Variants in GRID2 observed in about 807,000 individuals in gnomAD.
GRID2 encodes glutamate receptor ionotropic, delta-2.
In GRID2, 33 loss-of-function variants were observed where a neutral mutation model predicts 114.8. That is an observed-to-expected ratio of 0.29 (90% CI 0.22 to 0.38). GRID2 has a LOEUF of 0.38. GRID2 is among the 10% of genes least tolerant of loss of function. The probability of loss-of-function intolerance (pLI) is 1.00; values close to 1 mark genes in which losing one functional copy is unlikely to be tolerated. For missense variants in GRID2, 1,184 were observed against 1,257.7 expected, an observed-to-expected ratio of 0.94 and a Z score of 0.89; for synonymous variants, 505 against 449.9, an observed-to-expected ratio of 1.12 and a Z score of -1.55.
intron 1 of GRID2, among the ~76,000 whole-genome samples, chr4:92,305,543 G>A (rs1454508071): frequency 6.6e-6 from 1 of 152,242 alleles, no homozygotes; most frequent in East Asian, 1.9e-4. Context: ...GCCTCGCCTC[G>A]CAGTCAACTC....
chr4:92,736,753 T>C (rs1736618013), intron 2 of GRID2, among the ~76,000 whole-genome samples: 1 of 152,088 alleles, frequency 6.6e-6, no homozygotes, highest in African/African-American at 2.4e-5. Flanking sequence ...CCCTAAACAT[T>C]TCAACGTTTT....
At chr4:92,348,715 G>C (rs1354612073) in intron 1 of GRID2, among the ~76,000 whole-genome samples, 1 of 152,064 alleles carries the variant, frequency 6.6e-6, no homozygotes, top group Non-Finnish European at 1.5e-5. Context: ...GAAAGTTTCA[G>C]GTATTAAGAC....
intron 13 of GRID2, among the ~76,000 whole-genome samples, chr4:93,542,622 A>G (rs1490818785): frequency 6.6e-6 from 1 of 152,120 alleles, no homozygotes; most frequent in Admixed American, 6.6e-5. Context: ...TTTTAGCTTC[A>G]CTTTCCCCCA....
intron 11 of GRID2, among the ~76,000 whole-genome samples, chr4:93,486,828 AG>A (rs1726458210): frequency 6.6e-6 from 1 of 151,760 alleles, no homozygotes; most frequent in African/African-American, 2.4e-5. Context: ...TTGTTATCAA[AG>A]TTGTGCTTTC....
intron 13 of GRID2, among the ~76,000 whole-genome samples, chr4:93,565,494 G>T (rs1368693193): frequency 1.3e-5 from 2 of 152,018 alleles, no homozygotes; most frequent in Non-Finnish European, 2.9e-5. Context: ...TTTCAGGCAG[G>T]AGAATATAAT....
chr4:93,523,919 T>G (rs780891784), intron 13 of GRID2, among the ~76,000 whole-genome samples: 7 of 152,124 alleles, frequency 4.6e-5, no homozygotes, highest in Non-Finnish European at 1.0e-4. Context: ...CATCTATACT[T>G]CGTCCTGACC....
intron 3 of GRID2, among the ~76,000 whole-genome samples, chr4:93,091,568 C>T (rs908829768): frequency 5.9e-5 from 9 of 152,088 alleles, no homozygotes; most frequent in African/African-American, 2.2e-4. Context: ...TTATTTGGTG[C>T]TCTCCCTCTA....
chr4:93,336,970 T>C (rs17020463), intron 8 of GRID2, among the ~76,000 whole-genome samples: 1 of 151,848 alleles, frequency 6.6e-6, no homozygotes. Context: ...CATCCAAAAA[T>C]TATTGAAGCA....
chr4:93,245,140 A>G (rs1476255454), intron 8 of GRID2, among the ~76,000 whole-genome samples: 1 of 152,076 alleles, frequency 6.6e-6, no homozygotes, highest in Non-Finnish European at 1.5e-5. Flanking sequence ...TCCCATTACA[A>G]TGTTACTTCA....
chr4:92,406,037 G>T (rs547541446), intron 1 of GRID2, among the ~76,000 whole-genome samples: 11 of 152,252 alleles, frequency 7.2e-5, no homozygotes, highest in South Asian at 4.1e-4. Flanking sequence ...AGAGATGTAG[G>T]TTGGGAGGCT....
intron 1 of GRID2, among the ~76,000 whole-genome samples, chr4:93,788,382 G>C (rs977493699): frequency 8.6e-5 from 13 of 152,026 alleles, no homozygotes; most frequent in African/African-American, 3.1e-4. Flanking sequence ...GGAGTCTCAG[G>C]ATAAGCAGAT....
chr4:92,674,929 G>A (rs1489258926), intron 2 of GRID2, among the ~76,000 whole-genome samples: 1 of 152,014 alleles, frequency 6.6e-6, no homozygotes, highest in African/African-American at 2.4e-5. Context: ...CTCTGTATCT[G>A]TTTGTATTGA....
At chr4:93,694,308 G>A (rs1403688706) in intron 14 of GRID2, among the ~76,000 whole-genome samples, 1 of 151,968 alleles carries the variant, frequency 6.6e-6, no homozygotes, top group African/African-American at 2.4e-5. Context: ...TGTGTCTTCC[G>A]CAAAGCCCCC....
rs1480737171 is a variant in GRID2, at chr4:92,612,916, C to G, written c.244+22630C>G. Among the ~76,000 whole-genome samples, 5 of 151,158 alleles carry G rather than the reference C, an allele frequency of 3.3e-5. No individual in the cohort carries two copies. The South Asian group carries it at 8.3e-4, about 25-fold the overall frequency. Reference sequence around the variant, plus strand: ...TTTTAAATCTAGATGCCTTTTCTTTCTTTTATCATTTTTTGGTTGCAGTGG... The same window carrying G: ...TTTTAAATCTAGATGCCTTTTCTTTGTTTTATCATTTTTTGGTTGCAGTGG... On this transcript the variant is annotated intron_variant, in intron 2 of 15. Transcript: ENST00000282020.
intron 2 of GRID2, among the ~76,000 whole-genome samples, chr4:92,820,307 C>G (rs536881324): frequency 3.3e-4 from 50 of 152,176 alleles, no homozygotes; most frequent in African/African-American, 1.1e-3. Flanking sequence ...GCAAAAGGAC[C>G]AGTGCAATGC....
intron 1 of GRID2, among the ~76,000 whole-genome samples, chr4:92,341,739 C>T (rs992540372): frequency 1.8e-4 from 27 of 151,842 alleles, no homozygotes; most frequent in African/African-American, 9.7e-5. Flanking sequence ...ACGGTGAAAC[C>T]CCATCTCTAC....
intron 2 of GRID2, among the ~76,000 whole-genome samples, chr4:92,804,087 G>T (rs1276621652): frequency 6.6e-6 from 1 of 151,920 alleles, no homozygotes; most frequent in East Asian, 2.0e-4. Context: ...CTTTTTGTGT[G>T]TATCTGCATC....
intron 13 of GRID2, among the ~76,000 whole-genome samples, chr4:93,595,422 G>A (rs925105258): frequency 1.3e-5 from 2 of 152,146 alleles, no homozygotes; most frequent in South Asian, 4.1e-4. Flanking sequence ...TTTACTTGCT[G>A]TGGGAACTTG....
chr4:92,837,687 G>C (rs1265062863), intron 2 of GRID2, among the ~76,000 whole-genome samples: 1 of 152,090 alleles, frequency 6.6e-6, no homozygotes, highest in African/African-American at 2.4e-5. Context: ...AAGGGGTGTG[G>C]CATACTAATA....
Sources: allele counts gnomAD v4.1 joint callset (sites outside exome capture counted in the v4.1 genomes callset), GRCh38; gene constraint gnomAD v4.1.1; transcripts MANE v1.5; gene names NCBI Gene and HGNC (gene_info 2026-07-23, HGNC 2026-07-21).